Variants in ZDHHC15 observed in about 807,000 individuals in gnomAD.
The protein encoded by ZDHHC15 is palmitoyltransferase ZDHHC15.
ZDHHC15 carries 19 observed loss-of-function variants against 31.7 expected under a neutral mutation model. The ratio of observed to expected loss-of-function variants is 0.60; its 90% confidence interval spans 0.42 to 0.88. The LOEUF (loss-of-function observed/expected upper bound fraction) is 0.88. Among genes scored for constraint, ZDHHC15 ranks in the 40% least tolerant of loss-of-function variants. ZDHHC15 has a pLI of 0.00. For synonymous variants in ZDHHC15, 103 were observed against 90.0 expected (o/e 1.14, Z -0.82); for missense variants, 209 against 251.2 (o/e 0.83, Z 1.14).
intron 10 of ZDHHC15, among the ~76,000 whole-genome samples, chrX:75,405,977 C>A (rs2083407060): frequency 8.9e-6 from 1 of 112,060 alleles, no homozygotes; most frequent in South Asian, 3.7e-4. Context: ...TTTTCTTGAG[C>A]TTCATTTTCT....
chrX:75,521,230 A>G (rs2085437268), intron 1 of ZDHHC15, among the ~76,000 whole-genome samples: 2 of 110,769 alleles, frequency 1.8e-5, no homozygotes, highest in Admixed American at 9.7e-5. Context: ...GTAGGCCACA[A>G]GTTTAAGGGT....
intron 4 of ZDHHC15, among the ~76,000 whole-genome samples, chrX:75,442,171 A>G (rs1181905831): frequency 2.7e-5 from 3 of 111,972 alleles, no homozygotes; most frequent in Non-Finnish European, 5.6e-5. Context: ...GAATCAGTAG[A>G]CTGAGTAAAG....
intron 10 of ZDHHC15, among the ~76,000 whole-genome samples, chrX:75,401,520 T>C (rs1046839624): frequency 9.0e-5 from 10 of 111,582 alleles, no homozygotes; most frequent in Middle Eastern, 9.2e-3. Context: ...ATTACACTTA[T>C]AGGCTCAAAA....
chrX:75,447,054 C>T (rs2084043356), intron 4 of ZDHHC15, among the ~76,000 whole-genome samples: 3 of 111,937 alleles, frequency 2.7e-5, no homozygotes, highest in Non-Finnish European at 5.6e-5. Flanking sequence ...AACAAAGTGG[C>T]CATGGTGGCA....
intron 2 of ZDHHC15, among the ~76,000 whole-genome samples, chrX:75,489,516 C>G (rs989853711): frequency 8.9e-5 from 10 of 112,150 alleles, no homozygotes; most frequent in Non-Finnish European, 1.9e-4. Context: ...TCCAACAGAC[C>G]TGCAGCTGAG....
At chrX:75,503,920 T>C (rs2085122124) in intron 2 of ZDHHC15, among the ~76,000 whole-genome samples, 1 of 111,172 alleles carries the variant, frequency 9.0e-6, no homozygotes, top group South Asian at 3.7e-4. Flanking sequence ...GGGCAATCCA[T>C]AGTGTTACTT....
chrX:75,505,570 G>C (rs1187831276), intron 2 of ZDHHC15, among the ~76,000 whole-genome samples: 2 of 110,938 alleles, frequency 1.8e-5, no homozygotes, highest in African/African-American at 3.3e-5. Context: ...ATGTCAGACA[G>C]AGTGCTTAAC....
intron 10 of ZDHHC15, among the ~76,000 whole-genome samples, chrX:75,396,715 A>AC (rs2083302537): frequency 1.8e-5 from 2 of 111,823 alleles, no homozygotes; most frequent in African/African-American, 6.5e-5. Flanking sequence ...CACAACTCAT[A>AC]ATAGCCAAGA....
intron 4 of ZDHHC15, among the ~76,000 whole-genome samples, chrX:75,443,670 G>A (rs2083982091): frequency 8.9e-6 from 1 of 112,010 alleles, no homozygotes; most frequent in African/African-American, 3.2e-5. Context: ...TATCGTCAGA[G>A]TGAACAGGCA....
At position 75,384,307 on chromosome X, in the gene ZDHHC15, C is replaced by T; in HGVS notation, c.968-5109G>A. On this transcript the variant is annotated intron_variant, in intron 10 of 11. Coordinates refer to ENST00000373367, the MANE Select transcript of ZDHHC15 (RefSeq NM_144969.3). ...CCTATATAGAAAGCTGGTAAATGCC[C>T]TTTTGGCTGGAACCGCCATCTTCCA... 3 of 675,748 alleles carry T rather than the reference C, an allele frequency of 4.4e-6. No homozygotes were observed. The South Asian group carries it at 6.6e-5, about 15-fold the overall frequency. The allele number at this position is 675,748 out of a possible 1,213,427, so 55.7% of individuals were successfully genotyped here. A position where few individuals can be genotyped will look rare whatever the true frequency, so the allele number is the denominator to read the frequency against.
intron 11 of ZDHHC15, among the ~76,000 whole-genome samples, chrX:75,377,444 C>T (rs975294128): frequency 9.2e-6 from 1 of 108,369 alleles, no homozygotes; most frequent in African/African-American, 3.4e-5. Flanking sequence ...TGCAGTGAGC[C>T]GAGATCACTC....
At chrX:75,437,558 T>C (rs1189703687) in intron 4 of ZDHHC15, among the ~76,000 whole-genome samples, 48 of 100,114 alleles carry the variant, frequency 4.8e-4, no homozygotes, top group African/African-American at 1.7e-3. Flanking sequence ...GTTCTTGCGA[T>C]AGTTTACTGA....
intron 3 of ZDHHC15, among the ~76,000 whole-genome samples, chrX:75,462,904 G>A (rs1180322395): frequency 2.7e-5 from 3 of 110,638 alleles, no homozygotes; most frequent in East Asian, 2.9e-4. Context: ...AGCAGAAGAC[G>A]AGAAATAGCC....
intron 3 of ZDHHC15, among the ~76,000 whole-genome samples, chrX:75,454,599 T>C (rs2147920185): frequency 9.0e-6 from 1 of 111,198 alleles, no homozygotes; most frequent in Non-Finnish European, 1.9e-5. Flanking sequence ...GCACCTGTTG[T>C]TTCCTGACTT....
At chrX:75,491,853 T>C (rs931100162) in intron 2 of ZDHHC15, among the ~76,000 whole-genome samples, 2 of 111,106 alleles carry the variant, frequency 1.8e-5, no homozygotes, top group African/African-American at 6.5e-5. Flanking sequence ...AATTGTAAAG[T>C]CCATCGAGGC....
chrX:75,409,177 C>A (rs931451520), intron 10 of ZDHHC15, among the ~76,000 whole-genome samples: 9 of 111,471 alleles, frequency 8.1e-5, no homozygotes, highest in Non-Finnish European at 1.5e-4. Context: ...CTGGAGGCAC[C>A]ACACTACCTA....
At chrX:75,448,928 G>A (rs2084070453) in intron 4 of ZDHHC15, among the ~76,000 whole-genome samples, 1 of 110,446 alleles carries the variant, frequency 9.1e-6, no homozygotes, top group Non-Finnish European at 1.9e-5. Flanking sequence ...AATGCAGGTG[G>A]GCCTCATCCA....
chrX:75,431,718 A>G (rs2083782470), intron 4 of ZDHHC15, among the ~76,000 whole-genome samples, 198 bp from the exon 5 acceptor site: 1 of 110,973 alleles, frequency 9.0e-6, no homozygotes, highest in African/African-American at 3.3e-5. Context: ...TTTTGAAAGC[A>G]CTTTTGGGGG....
chrX:75,374,782 C>CAA (rs776554097), intron 11 of ZDHHC15, among the ~76,000 whole-genome samples: 49 of 109,216 alleles, frequency 4.5e-4, no homozygotes, highest in Non-Finnish European at 8.5e-4. Flanking sequence ...AGGTGAATCT[C>CAA]AATTATGTTG....
Sources: allele counts gnomAD v4.1 joint callset (sites outside exome capture counted in the v4.1 genomes callset), GRCh38; gene constraint gnomAD v4.1.1; transcripts MANE v1.5; gene names NCBI Gene and HGNC (gene_info 2026-07-23, HGNC 2026-07-21).